The following ZSWIM5 variants were observed in gnomAD, a reference collection of about 807,000 sequenced individuals.
ZSWIM5 encodes the protein zinc finger SWIM domain-containing protein 5.
In ZSWIM5, 55 loss-of-function variants were observed where a neutral mutation model predicts 119.6. The observed-to-expected ratio is 0.46, with a 90% CI of 0.37 to 0.58. ZSWIM5 has a LOEUF of 0.58. ZSWIM5 is among the 20% of genes least tolerant of loss of function. The pLI is 0.00. For missense variants in ZSWIM5, 1,193 were observed against 1,512.8 expected, an observed-to-expected ratio of 0.79 and a Z score of 3.51; for synonymous variants, 537 against 606.9, an observed-to-expected ratio of 0.88 and a Z score of 1.69.
intron 4 of ZSWIM5, 71 bp downstream of exon 4, chr1:45,058,537 AG>A (rs1171969508): frequency 6.3e-7 from 1 of 1,578,384 alleles, no homozygotes; most frequent in African/African-American, 1.3e-5. Flanking sequence ...ACTGATGGCA[AG>A]GGCTCATAAA....
At chr1:45,092,931 A>C (rs1645377184) in intron 1 of ZSWIM5, among the ~76,000 whole-genome samples, 1 of 152,210 alleles carries the variant, frequency 6.6e-6, no homozygotes, top group African/African-American at 2.4e-5. Flanking sequence ...CAATTCCTTG[A>C]AATAAATCCT....
intron 2 of ZSWIM5, among the ~76,000 whole-genome samples, chr1:45,080,165 C>T (rs75330524): frequency 0.021 from 3,127 of 152,312 alleles, 114 homozygotes; most frequent in African/African-American, 0.072. Flanking sequence ...TCCCCACAGT[C>T]CACTGTCTCT....
At chr1:45,167,012 C>T (rs1412558202) in intron 1 of ZSWIM5, among the ~76,000 whole-genome samples, 8 of 152,106 alleles carry the variant, frequency 5.3e-5, no homozygotes. Flanking sequence ...CCCGCATTGC[C>T]AAGTCAATCC....
chr1:45,169,505 C>A (rs1645932468), intron 1 of ZSWIM5, among the ~76,000 whole-genome samples: 1 of 151,954 alleles, frequency 6.6e-6, no homozygotes, highest in Non-Finnish European at 1.5e-5. Context: ...TGAATCCTAA[C>A]CTCTCTAATT....
At position 45,018,428 on chromosome 1, in the gene ZSWIM5, G is replaced by A; in HGVS notation, c.*26C>T. Reference sequence around the variant, plus strand: ...CTGATACTACCTGGGAACCCAGGCTGCTCTGGCAGTGAGCTATCTGCTCTC... The same window carrying A: ...CTGATACTACCTGGGAACCCAGGCTACTCTGGCAGTGAGCTATCTGCTCTC... On this transcript the variant is annotated 3_prime_UTR_variant, in exon 14 of 14. Coordinates refer to ENST00000359600, the MANE Select transcript of ZSWIM5 (RefSeq NM_020883.2). The surrounding 1 kb of genome is among the most constrained non-coding windows in gnomAD (Gnocchi z 6.7). 6.2e-7 allele frequency: 1 copy of A among 1,602,740 alleles called. No individual in the cohort carries two copies. Among genetic ancestry groups the A allele is most frequent in the Non-Finnish European group, 8.5e-7 (1 of 1,173,806 alleles).
chr1:45,107,755 GA>G (rs1410424057), intron 1 of ZSWIM5, among the ~76,000 whole-genome samples: 1 of 151,388 alleles, frequency 6.6e-6, no homozygotes, highest in Admixed American at 6.6e-5. Context: ...ATTCTATTCA[GA>G]ACTGCAGATC....
intron 1 of ZSWIM5, among the ~76,000 whole-genome samples, chr1:45,148,158 T>C (rs1009289707): frequency 6.6e-6 from 1 of 152,164 alleles, no homozygotes; most frequent in Non-Finnish European, 1.5e-5. Context: ...CATTTTGTAA[T>C]TTAAAAACAC....
chr1:45,181,326 G>C (rs1428079860), intron 1 of ZSWIM5, among the ~76,000 whole-genome samples: 1 of 152,032 alleles, frequency 6.6e-6, no homozygotes, highest in Non-Finnish European at 1.5e-5. Context: ...CTGGAAGAAA[G>C]GGTATCAGTG....
At chr1:45,037,789 G>GT (rs1015892977) in intron 8 of ZSWIM5, among the ~76,000 whole-genome samples, 1 of 152,188 alleles carries the variant, frequency 6.6e-6, no homozygotes, top group Admixed American at 6.5e-5. Flanking sequence ...CTTAACTTTT[G>GT]TAACATTTGC....
intron 2 of ZSWIM5, among the ~76,000 whole-genome samples, chr1:45,081,341 C>T (rs547421046): frequency 1.5e-3 from 223 of 152,082 alleles, no homozygotes; most frequent in African/African-American, 5.1e-3. Flanking sequence ...TCTCTTTCCA[C>T]GGTCTCCCTC....
intron 1 of ZSWIM5, among the ~76,000 whole-genome samples, chr1:45,195,257 C>T (rs926455293): frequency 6.6e-6 from 1 of 152,038 alleles, no homozygotes; most frequent in Admixed American, 6.6e-5. Context: ...GTTTTTGAGA[C>T]AGGGTCTTGC....
intron 1 of ZSWIM5, among the ~76,000 whole-genome samples, chr1:45,100,068 A>G (rs1645429108): frequency 6.6e-6 from 1 of 152,296 alleles, no homozygotes; most frequent in Admixed American, 6.5e-5. Flanking sequence ...CAAGAGAAAG[A>G]AATAAAGGGT....
chr1:45,159,252 T>C (rs1204851982), intron 1 of ZSWIM5, among the ~76,000 whole-genome samples: 2 of 152,166 alleles, frequency 1.3e-5, no homozygotes, highest in African/African-American at 4.8e-5. Flanking sequence ...ACTTGCTTTA[T>C]TGCTTTCTGT....
At chr1:45,090,815 C>A (rs1045631315) in intron 1 of ZSWIM5, among the ~76,000 whole-genome samples, 1 of 150,164 alleles carries the variant, frequency 6.7e-6, no homozygotes. Flanking sequence ...CGGGGTGAGA[C>A]CCTGTCTCTT....
rs529442881 is a variant in ZSWIM5, at chr1:45,088,959, T to A, written c.596-722A>T. Among the ~76,000 whole-genome samples the A allele has an allele frequency of 7.9e-5, 12 of 152,336 alleles. No homozygotes were observed. Among genetic ancestry groups the A allele is most frequent in the African/African-American group, 2.6e-4 (11 of 41,576 alleles). On this transcript the variant is annotated intron_variant, in intron 1 of 13. Transcript: ENST00000359600. This position sits in a 1 kb window ranked among gnomAD's most constrained non-coding sequence, Gnocchi z 4.2. ...CAAATCAATTCTATAATATTAATTA[T>A]GCTTTATTATTATTTTTATCTCTGG...
At chr1:45,022,962 GT>G (rs1247426862) in intron 11 of ZSWIM5, among the ~76,000 whole-genome samples, 2 of 152,070 alleles carry the variant, frequency 1.3e-5, no homozygotes, top group Non-Finnish European at 2.9e-5. Flanking sequence ...ACACTGAGGA[GT>G]TTTTTTTCCT....
At chr1:45,146,127 G>A (rs964062356) in intron 1 of ZSWIM5, among the ~76,000 whole-genome samples, 8 of 152,138 alleles carry the variant, frequency 5.3e-5, no homozygotes, top group African/African-American at 1.9e-4. Context: ...GAGTTAACAA[G>A]TATAGATAAC....
intron 8 of ZSWIM5, among the ~76,000 whole-genome samples, chr1:45,037,267 C>G (rs999085589): frequency 6.6e-6 from 1 of 151,874 alleles, no homozygotes; most frequent in African/African-American, 2.4e-5. Flanking sequence ...CACACCACCA[C>G]ACCCAGCTAA....
rs1645013362 is a variant in ZSWIM5, at chr1:45,040,626, C to T, written c.1610-88G>A. The T allele has an allele frequency of 6.4e-6, 8 of 1,244,294 alleles. No individual in the cohort carries two copies. In the South Asian group the frequency reaches 1.4e-4, roughly 22 times the overall value. The allele number at this position is 1,244,294 out of a possible 1,614,324, so 77.1% of individuals were successfully genotyped here. On this transcript the variant is annotated intron_variant, in intron 6 of 13. Coordinates refer to ENST00000359600, the MANE Select transcript of ZSWIM5 (RefSeq NM_020883.2). The stretch of plus-strand genomic sequence containing the variant: ...TGACAAAGAGAGTTTGTATTCAGTC[C>T]AGTTCCTCAAATTCAACCTGACACC...
Sources: allele counts gnomAD v4.1 joint callset (sites outside exome capture counted in the v4.1 genomes callset), GRCh38; gene constraint gnomAD v4.1.1; non-coding constraint Gnocchi (gnomAD v3.1); transcripts MANE v1.5; gene names NCBI Gene and HGNC (gene_info 2026-07-23, HGNC 2026-07-21).